CNMD: variants seen among roughly 807,000 people sequenced by gnomAD.
The protein encoded by CNMD is chondromodulin.
Under a neutral mutation model 37.5 loss-of-function variants are expected in CNMD, and 30 were observed. That is an observed-to-expected ratio of 0.80 (90% CI 0.60 to 1.09). The LOEUF is 1.09. CNMD is among the 50% of genes least tolerant of loss of function. The probability of loss-of-function intolerance (pLI) is 0.00; values close to 1 mark genes in which losing one functional copy is unlikely to be tolerated. For missense variants in CNMD, 398 were observed against 423.9 expected (o/e 0.94, Z 0.54); for synonymous variants, 167 against 148.2 (o/e 1.13, Z -0.92).
intron 3 of CNMD, among the ~76,000 whole-genome samples, chr13:52,727,477 C>T (rs575393950): frequency 3.3e-5 from 5 of 152,292 alleles, no homozygotes; most frequent in African/African-American, 1.2e-4. Context: ...GCCTGCACAA[C>T]ATGGTGAGAC....
chr13:52,734,100 GA>G (rs1182447676), intron 2 of CNMD, among the ~76,000 whole-genome samples: 1 of 152,160 alleles, frequency 6.6e-6, no homozygotes, highest in Non-Finnish European at 1.5e-5. Context: ...GGGGAGTGTG[GA>G]AGAGGGGAAG....
chr13:52,720,680 TG>T lies in CNMD; in HGVS notation c.468+3316del, dbSNP rs774687127. Among the ~76,000 whole-genome samples, 5 of 152,282 alleles carry T rather than the reference TG, an allele frequency of 3.3e-5. No homozygotes were observed. In the East Asian group the frequency reaches 7.7e-4, roughly 24 times the overall value. On this transcript the variant is annotated intron_variant, in intron 4 of 6. Transcript: ENST00000377962. ...TGTCTGTTCCTTCCTCTGGAAGCTT[TG>T]TCCCAGAGGGGCACCCATCAGATGC...
At chr13:52,716,268 T>G (rs1178335475) in intron 4 of CNMD, among the ~76,000 whole-genome samples, 1 of 152,252 alleles carries the variant, frequency 6.6e-6, no homozygotes, top group Non-Finnish European at 1.5e-5. Context: ...ATGGATAGAT[T>G]GCAAAAATTT....
chr13:52,725,892 T>C (rs1008247082), intron 3 of CNMD, among the ~76,000 whole-genome samples: 2 of 152,194 alleles, frequency 1.3e-5, no homozygotes, highest in African/African-American at 4.8e-5. Flanking sequence ...CTCTACCTTA[T>C]GTAGTCACAG....
chr13:52,703,838 A>G (rs1964130971), intron 6 of CNMD, 28 bp from the exon 7 acceptor site: 1 of 1,584,300 alleles, frequency 6.3e-7, no homozygotes. Context: ...ATTATTTGTG[A>G]TAACTGCATA....
At chr13:52,728,404 A>G (rs1964610631) in intron 3 of CNMD, among the ~76,000 whole-genome samples, 1 of 151,436 alleles carries the variant, frequency 6.6e-6, no homozygotes, top group Non-Finnish European at 1.5e-5. Context: ...CACTTGGAGG[A>G]CTTGTTAAAT....
At chr13:52,714,880 C>T (rs1964345097) in intron 4 of CNMD, among the ~76,000 whole-genome samples, 1 of 152,072 alleles carries the variant, frequency 6.6e-6, no homozygotes, top group Non-Finnish European at 1.5e-5. Flanking sequence ...CTAAGATGTC[C>T]CAGTATTGAA....
intron 5 of CNMD, 35 bp downstream of exon 5, chr13:52,712,681 A>C (rs1964308494): frequency 5.0e-6 from 7 of 1,398,628 alleles, no homozygotes; most frequent in African/African-American, 2.9e-5. Context: ...GAACAGGGAA[A>C]GTTGTAAACA....
rs1400518128 is a variant in CNMD at position 52,739,331 on chromosome 13, C to T, written c.73-160G>A. On this transcript the variant is annotated intron_variant, in intron 1 of 6. Coordinates refer to ENST00000377962, the MANE Select transcript of CNMD (RefSeq NM_007015.3). The surrounding 1 kb of genome is among the most constrained non-coding windows in gnomAD (Gnocchi z 5.4). Reference sequence around the variant, plus strand: ...GGGTGCCCCTTTCGCCGCGCTCCCTCCCGAGGGTCCTTTGCAGTCGGGCGT... The same window carrying T: ...GGGTGCCCCTTTCGCCGCGCTCCCTTCCGAGGGTCCTTTGCAGTCGGGCGT... 11 of 865,942 alleles carry T rather than the reference C, an allele frequency of 1.3e-5. No homozygotes were observed. Among genetic ancestry groups the T allele is most frequent in the Non-Finnish European group, 6.7e-6 (4 of 592,862 alleles). The allele number at this position is 865,942 out of a possible 1,614,324, so 53.6% of individuals were successfully genotyped here.
rs775568446 is a variant in CNMD at position 52,708,489 on chromosome 13, A to G, written c.789+47T>C. ...AGCCACCACGCCCGGCCTTGGCACT[A>G]TGTTTAATGCATTTGTCTAATCATG... On this transcript the variant is annotated intron_variant, in intron 6 of 6. Transcript: ENST00000377962. 4.5e-6 allele frequency: 7 copies of G among 1,556,390 alleles called. No individual in the cohort carries two copies. The Admixed American group carries it at 1.1e-4, about 24-fold the overall frequency.
intron 4 of CNMD, among the ~76,000 whole-genome samples, chr13:52,714,659 TATAATC>T (rs1264109236): frequency 1.3e-5 from 2 of 152,186 alleles, no homozygotes; most frequent in Non-Finnish European, 2.9e-5. Flanking sequence ...CTTTTAAAAT[TATAATC>T]ATATGATAAA....
intron 2 of CNMD, among the ~76,000 whole-genome samples, chr13:52,735,827 CTTTTT>C (rs34873599): frequency 8.3e-6 from 1 of 120,634 alleles, no homozygotes; most frequent in Non-Finnish European, 1.8e-5. Context: ...TGCGGCCCAC[CTTTTT>C]TTTTTTTTTT....
In CNMD at chr13:52,708,642, G is replaced by A; in HGVS notation, c.683C>T (p.Pro228Leu). Reference protein sequence around the residue: ...RKIVPTTTKRPHSGPRSNPGA... With the variant: ...RKIVPTTTKRLHSGPRSNPGA... Reference sequence around the variant, plus strand: ...TGGGTTGCTCCGTGGTCCACTGTGTGGTCTTTTTGTGGTAGTTGGAACAAT... The same window carrying A: ...TGGGTTGCTCCGTGGTCCACTGTGTAGTCTTTTTGTGGTAGTTGGAACAAT... Residue 228 changes from proline (P) to leucine (L), a missense_variant, in exon 6 of 7, where the codon CCA (proline) becomes CTA (leucine). Transcript: ENST00000377962. 6.2e-7 allele frequency: 1 copy of A among 1,612,958 alleles called. No homozygotes were observed. Among genetic ancestry groups the A allele is most frequent in the African/African-American group, 1.3e-5 (1 of 74,910 alleles).
intron 3 of CNMD, among the ~76,000 whole-genome samples, chr13:52,727,721 T>C (rs1964599361): frequency 1.3e-5 from 2 of 152,160 alleles, no homozygotes; most frequent in Non-Finnish European, 2.9e-5. Flanking sequence ...TCATATGTTC[T>C]CTCTCCTATG....
At chr13:52,719,013 A>C (rs918515704) in intron 4 of CNMD, among the ~76,000 whole-genome samples, 1 of 152,122 alleles carries the variant, frequency 6.6e-6, no homozygotes, top group African/African-American at 2.4e-5. Context: ...GGGTGCTCCT[A>C]TATTGGGTGC....
At position 52,733,204 on chromosome 13, in the gene CNMD, A is replaced by C; in HGVS notation, c.354+15T>G. 6.2e-7 allele frequency: 1 copy of C among 1,613,944 alleles called. No homozygotes were observed. On this transcript the variant is annotated intron_variant, in intron 3 of 6. Transcript: ENST00000377962. ...TTGCCTGGTTAAATTCTCTAAATGC[A>C]TGAAATATACTTACATTCTGGAAAT...
intron 5 of CNMD, 42 bp downstream of exon 5, chr13:52,712,674 C>T (rs1017174333): frequency 1.5e-6 from 2 of 1,372,614 alleles, no homozygotes; most frequent in Admixed American, 2.7e-5. Flanking sequence ...CATGCATGAA[C>T]AGGGAAAGTT....
intron 3 of CNMD, among the ~76,000 whole-genome samples, chr13:52,726,413 C>T (rs1964573474): frequency 6.6e-6 from 1 of 151,968 alleles, no homozygotes; most frequent in African/African-American, 2.4e-5. Flanking sequence ...ATCAAAAATC[C>T]CCTGGGTCCC....
At chr13:52,714,904 C>T (rs1964345470) in intron 4 of CNMD, among the ~76,000 whole-genome samples, 1 of 152,218 alleles carries the variant, frequency 6.6e-6, no homozygotes, top group African/African-American at 2.4e-5. Context: ...TTTGTACATC[C>T]CTGAAATAAA....
Sources: gnomAD v4.1 joint callset for allele counts (sites outside exome capture counted in the v4.1 genomes callset) on GRCh38, gnomAD v4.1.1 for gene constraint, Gnocchi (gnomAD v3.1) non-coding constraint, MANE v1.5 for transcripts, NCBI Gene and HGNC (gene_info 2026-07-23, HGNC 2026-07-21) for gene names.